Variants in CSMD1 observed in about 807,000 individuals in gnomAD.
CSMD1 encodes CUB and Sushi multiple domains 1.
CSMD1 carries 213 observed loss-of-function variants against 417.5 expected under a neutral mutation model. The observed-to-expected ratio is 0.51, with a 90% CI of 0.46 to 0.57. CSMD1 has a LOEUF of 0.57. Ranked by LOEUF, CSMD1 falls within the 20% of genes least tolerant of loss-of-function variation. The pLI is 0.00. For synonymous variants in CSMD1, 2,862 were observed against 1,736.8 expected, an observed-to-expected ratio of 1.65 and a Z score of -16.11; for missense variants, 6,923 against 4,529.7, an observed-to-expected ratio of 1.53 and a Z score of -15.17.
At chr8:3,818,164 T>A (rs1164015670) in intron 5 of CSMD1, among the ~76,000 whole-genome samples, 1 of 151,900 alleles carries the variant, frequency 6.6e-6, no homozygotes, top group African/African-American at 2.4e-5. Flanking sequence ...CCTCTGACAC[T>A]CATAGGATGC....
intron 1 of CSMD1, among the ~76,000 whole-genome samples, chr8:4,737,290 A>AC (rs1810304784): frequency 6.6e-6 from 1 of 152,132 alleles, no homozygotes; most frequent in Non-Finnish European, 1.5e-5. Context: ...ACTGATAAGA[A>AC]CACATGGAGA....
intron 3 of CSMD1, among the ~76,000 whole-genome samples, chr8:4,155,801 G>T (rs767584612): frequency 2.0e-5 from 3 of 152,076 alleles, no homozygotes; most frequent in African/African-American, 7.2e-5. Context: ...GCCACAAAGG[G>T]GAATACACAA....
chr8:3,468,751 C>T lies in CSMD1; in HGVS notation c.1522G>A (p.Asp508Asn). 3 of 1,607,034 alleles carry T rather than the reference C, an allele frequency of 1.9e-6. No homozygotes were observed. The highest frequency in any genetic ancestry group is 2.5e-6 in the Non-Finnish European group (3 of 1,176,918). The change falls in exon 12 of 70, where the codon GAT becomes AAT. Residue 508 changes from aspartate to asparagine, a missense_variant. By Grantham distance (23) the Asp-to-Asn change is conservative. Transcript: ENST00000635120. ...TTAAACCCAGGTGAGCCAATGCTAT[C>T]ATCCGACTGCAGATGTAGCCACATC... is the stretch of plus-strand genomic sequence containing the variant. ...NQMWLHLQSDDSIGSPGFKAV... is the reference protein window; with the variant it reads ...NQMWLHLQSDNSIGSPGFKAV...
rs549841496 is a variant in CSMD1 at position 4,544,918 on chromosome 8, G to A, written c.302+92424C>T. ...TGGTCTTTAATGTTCCACTTACATT[G>A]AAATTCAGAAATATATTTGAGAAGT... On this transcript the variant is annotated intron_variant, in intron 2 of 69. Transcript: ENST00000635120. Among the ~76,000 whole-genome samples the A allele has an allele frequency of 2.0e-5, 3 of 152,284 alleles. No homozygotes were observed. The South Asian group carries it at 6.2e-4, about 32-fold the overall frequency.
chr8:3,385,028 A>ACC (rs1810906116), intron 18 of CSMD1, among the ~76,000 whole-genome samples: 1 of 93,178 alleles, frequency 1.1e-5, no homozygotes, highest in Non-Finnish European at 2.1e-5. Flanking sequence ...ATATATAAAT[A>ACC]TAATATATAT....
chr8:4,120,071 T>C (rs1320703939), intron 3 of CSMD1, among the ~76,000 whole-genome samples: 2 of 152,230 alleles, frequency 1.3e-5, no homozygotes, highest in Non-Finnish European at 2.9e-5. Flanking sequence ...GGATTATTTG[T>C]AATACAAAGG....
chr8:4,586,340 G>A (rs1371984115), intron 2 of CSMD1, among the ~76,000 whole-genome samples: 4 of 152,148 alleles, frequency 2.6e-5, no homozygotes, highest in East Asian at 1.9e-4. Context: ...AATTGCTTGT[G>A]TAGAGATAGA....
Position 3,199,940 on chromosome 8 carries a change from G to C in CSMD1, c.5099-131C>G, listed in dbSNP as rs1563136136. On this transcript the variant is annotated intron_variant, in intron 32 of 69. Coordinates refer to ENST00000635120, the MANE Select transcript of CSMD1 (RefSeq NM_033225.6). ...ACTTTTAAAACATTTTCACTTTATGGTTTAAAACTCAAATATGTTGTTTTT... is the reference window on the plus strand; with the variant it reads ...ACTTTTAAAACATTTTCACTTTATGCTTTAAAACTCAAATATGTTGTTTTT... The C allele has an allele frequency of 1.5e-5, 9 of 590,198 alleles. No individual in the cohort carries two copies. The South Asian group carries it at 1.7e-4, about 11-fold the overall frequency. The allele number at this position is 590,198 out of a possible 1,614,324, so 36.6% of individuals were successfully genotyped here.
chr8:3,463,055 A>C (rs978047002), intron 12 of CSMD1, among the ~76,000 whole-genome samples: 4 of 152,176 alleles, frequency 2.6e-5, no homozygotes, highest in African/African-American at 9.7e-5. Flanking sequence ...CCAGACACCA[A>C]ATCTGCCACT....
chr8:3,644,081 C>T (rs745663181), intron 7 of CSMD1, among the ~76,000 whole-genome samples: 1 of 152,150 alleles, frequency 6.6e-6, no homozygotes, highest in Non-Finnish European at 1.5e-5. Flanking sequence ...GAAAGTGCTC[C>T]AGGGCAGCCC....
chr8:4,261,628 T>C (rs1334171326), intron 3 of CSMD1, among the ~76,000 whole-genome samples: 1 of 152,106 alleles, frequency 6.6e-6, no homozygotes, highest in East Asian at 1.9e-4. Flanking sequence ...CAGGCTAGTG[T>C]TGAACTCCTA....
intron 2 of CSMD1, among the ~76,000 whole-genome samples, chr8:4,631,102 C>T (rs1039685861): frequency 6.6e-6 from 1 of 152,168 alleles, no homozygotes; most frequent in African/African-American, 2.4e-5. Context: ...GTGGCTCACA[C>T]CTGTAATCCC....
intron 2 of CSMD1, among the ~76,000 whole-genome samples, chr8:4,527,739 A>T (rs1796591893): frequency 1.3e-5 from 2 of 152,200 alleles, no homozygotes; most frequent in South Asian, 4.1e-4. Context: ...TGCATCATAT[A>T]CATGACTTTA....
At chr8:3,532,157 T>G (rs1010192774) in intron 10 of CSMD1, among the ~76,000 whole-genome samples, 1 of 152,186 alleles carries the variant, frequency 6.6e-6, no homozygotes, top group Non-Finnish European at 1.5e-5. Context: ...GTGTTCGCTT[T>G]GTTTCTCCTA....
At chr8:3,132,755 T>G (rs1817862524) in intron 41 of CSMD1, among the ~76,000 whole-genome samples, 1 of 152,188 alleles carries the variant, frequency 6.6e-6, no homozygotes, top group Admixed American at 6.5e-5. Context: ...ATTCCTTCCC[T>G]CACTCTCTCC....
intron 3 of CSMD1, among the ~76,000 whole-genome samples, chr8:4,074,303 A>T (rs915877006): frequency 2.0e-5 from 3 of 152,136 alleles, no homozygotes; most frequent in Admixed American, 6.5e-5. Flanking sequence ...ACAATGAAAG[A>T]AAATAAAAAC....
Position 3,231,460 on chromosome 8 carries a change from T to C in CSMD1, c.4154-1229A>G, listed in dbSNP as rs182759788. 4.2e-3 allele frequency among the ~76,000 whole-genome samples: 633 copies of C among 152,286 alleles called. 10 individuals are homozygous for C. Among genetic ancestry groups the C allele is most frequent in the Non-Finnish European group, 2.0e-3 (135 of 68,016 alleles). On this transcript the variant is annotated intron_variant, in intron 26 of 69. Transcript: ENST00000635120. ...AAGCCTTAAAGTAATGAGTAGGCTT[T>C]GCGTTTTGTTTTGTAAATTCTGAAG...
At chr8:2,944,198 C>A (rs183084298) in intron 68 of CSMD1, among the ~76,000 whole-genome samples, 1 of 152,202 alleles carries the variant, frequency 6.6e-6, no homozygotes, top group African/African-American at 2.4e-5. Context: ...AGGTTATGGA[C>A]GTGCAGCGAG....
intron 2 of CSMD1, among the ~76,000 whole-genome samples, chr8:4,477,490 A>G (rs1303898508): frequency 6.6e-6 from 1 of 152,224 alleles, no homozygotes; most frequent in African/African-American, 2.4e-5. Flanking sequence ...CACTATAATT[A>G]AAATGCAGCA....
Sources: gnomAD v4.1 joint callset for allele counts (sites outside exome capture counted in the v4.1 genomes callset) on GRCh38, gnomAD v4.1.1 for gene constraint, MANE v1.5 for transcripts, NCBI Gene and HGNC (gene_info 2026-07-23, HGNC 2026-07-21) for gene names.